The following TRAK2 variants were observed in gnomAD, a reference collection of about 807,000 sequenced individuals.
TRAK2 encodes trafficking kinesin-binding protein 2.
A neutral mutation model predicts 104.6 loss-of-function variants in TRAK2; 81 were observed. The observed-to-expected ratio is 0.77, with a 90% confidence interval of 0.65 to 0.93. TRAK2 has a LOEUF of 0.93. Ranked by LOEUF, TRAK2 falls within the 40% of genes least tolerant of loss-of-function variation. TRAK2 has a pLI of 0.00. For synonymous variants in TRAK2, 406 were observed against 394.4 expected, an observed-to-expected ratio of 1.03 and a Z score of -0.35; for missense variants, 1,002 against 1,089.0, an observed-to-expected ratio of 0.92 and a Z score of 1.12.
Position 201,380,989 on chromosome 2 carries a change from G to A in TRAK2, c.2299C>T (p.Leu767Phe). ...SPISENPLQP[L>F]PKSLAIPSTP... ...GAAGGGATAGCCAGGGATTTAGGGA[G>A]AGGCTGGAGGGGGTTCTCTGAAATT... The change falls in exon 16 of 16, where the codon CTC (leucine) becomes TTC (phenylalanine). Residue 767 changes from leucine to phenylalanine, a missense_variant. Leu to Phe is a conservative substitution (Grantham distance 22). Coordinates refer to ENST00000332624, the MANE Select transcript of TRAK2 (RefSeq NM_015049.3). 2 of 1,614,166 alleles carry A rather than the reference G, an allele frequency of 1.2e-6. No individual in the cohort carries two copies. Among genetic ancestry groups the A allele is most frequent in the East Asian group, 2.2e-5 (1 of 44,880 alleles).
intron 2 of TRAK2, chr2:201,413,043 G>T: frequency 1.3e-6 from 1 of 788,532 alleles, no homozygotes; most frequent in Non-Finnish European, 2.3e-6. Flanking sequence ...GTTAAGTGTT[G>T]GACTCCTCAT....
Position 201,389,396 on chromosome 2 carries a change from C to T in TRAK2, c.1301G>A (p.Ser434Asn), listed in dbSNP as rs1455656771. The T allele has an allele frequency of 1.9e-6, 3 of 1,614,154 alleles. No individual in the cohort carries two copies. In the Admixed American group the frequency reaches 5.0e-5, roughly 27 times the overall value. ...AAAAGGTTTTGCTGTCATGATGACA[C>T]TTGAACGGTTGGAGCCTGGAATGGG... The part of the protein sequence containing the change: ...LLPIPGSNRS[S>N]VIMTAKPFES... The change falls in exon 12 of 16, where the codon AGT (serine) becomes AAT (asparagine). Residue 434 changes from serine to asparagine, a missense_variant. Physicochemically the swap from Ser to Asn is conservative, Grantham distance 46. Coordinates refer to ENST00000332624, the MANE Select transcript of TRAK2 (RefSeq NM_015049.3).
chr2:201,419,997 G>A (rs944245779), intron 2 of TRAK2, among the ~76,000 whole-genome samples: 2 of 152,182 alleles, frequency 1.3e-5, no homozygotes, highest in Non-Finnish European at 2.9e-5. Flanking sequence ...ACTGCTCAGA[G>A]TTTTTTGATT....
In TRAK2 at chr2:201,394,837, C is replaced by T. The variant is rs1951486033; in HGVS notation, c.936G>A (p.Leu312=). The T allele has an allele frequency of 6.2e-7, 1 of 1,613,896 alleles. No homozygotes were observed. The highest frequency in any genetic ancestry group is 8.5e-7 in the Non-Finnish European group (1 of 1,179,878). Residue 312 remains leucine, a synonymous_variant, in exon 9 of 16, where the codon CTG becomes CTA. Transcript: ENST00000332624. ...VIEKEELKLH[L]QASKDAQRQL... is the part of the protein sequence containing the mutation. ...GCCGTTGGGCATCTTTGGAAGCTTGCAGGTGAAGTTTTAGTTCTTCCTTCT... is the reference window on the plus strand; with the variant it reads ...GCCGTTGGGCATCTTTGGAAGCTTGTAGGTGAAGTTTTAGTTCTTCCTTCT...
At chr2:201,446,435 C>T (rs983747908) in intron 1 of TRAK2, among the ~76,000 whole-genome samples, 4 of 152,238 alleles carry the variant, frequency 2.6e-5, no homozygotes, top group Non-Finnish European at 5.9e-5. Flanking sequence ...TGCCTCCGAA[C>T]ACTTTCTGCT....
intron 14 of TRAK2, among the ~76,000 whole-genome samples, chr2:201,384,876 C>T (rs1951374634): frequency 6.6e-6 from 1 of 152,152 alleles, no homozygotes; most frequent in African/African-American, 2.4e-5. Context: ...ATGTATTAAG[C>T]ACTCTTGCTG....
intron 1 of TRAK2, among the ~76,000 whole-genome samples, chr2:201,429,910 GA>G (rs2125658419): frequency 6.6e-6 from 1 of 152,342 alleles, no homozygotes; most frequent in South Asian, 2.1e-4. Context: ...CATTCCTTTG[GA>G]AGAGAAGATT....
At chr2:201,385,496 T>A (rs1951380764) in intron 14 of TRAK2, among the ~76,000 whole-genome samples, 1 of 152,172 alleles carries the variant, frequency 6.6e-6, no homozygotes, top group South Asian at 2.1e-4. Flanking sequence ...ATTTTAATGT[T>A]AACAAAGTAA....
Position 201,386,471 on chromosome 2 carries a change from C to A in TRAK2, c.1710G>T (p.Leu570=). ...GTTGAGCAAGCTGCTGCCAGTGATA[C>A]AGAGTTTGTGATCCTGAATATGCAA... The part of the protein sequence containing the change: ...IVKPLEGSQT[L]YHWQQLAQPN... Residue 570 remains leucine (L), a synonymous_variant, in exon 14 of 16, where the codon CTG becomes CTT. Coordinates refer to ENST00000332624, the MANE Select transcript of TRAK2 (RefSeq NM_015049.3). The A allele has an allele frequency of 7.4e-6, 12 of 1,614,084 alleles. No homozygotes were observed. The highest frequency in any genetic ancestry group is 1.0e-5 in the Non-Finnish European group (12 of 1,179,976).
At chr2:201,400,443 A>G (rs565235115) in intron 4 of TRAK2, among the ~76,000 whole-genome samples, 2 of 152,216 alleles carry the variant, frequency 1.3e-5, no homozygotes, top group South Asian at 2.1e-4. Flanking sequence ...TAAATGGCAT[A>G]CATAGAAATC....
intron 1 of TRAK2, among the ~76,000 whole-genome samples, chr2:201,440,760 G>C (rs1203315449): frequency 6.6e-6 from 1 of 152,178 alleles, no homozygotes; most frequent in Non-Finnish European, 1.5e-5. Flanking sequence ...TGCTAAGCTT[G>C]TGGGAGTCAT....
chr2:201,423,658 G>GTAAT (rs929272220), intron 1 of TRAK2: 1 of 152,110 alleles, frequency 6.6e-6, no homozygotes, highest in African/African-American at 2.4e-5. Context: ...GCACAACACT[G>GTAAT]TAAATACACT....
At chr2:201,398,452 A>T in intron 5 of TRAK2, 98 bp from the exon 6 acceptor site, 1 of 1,158,440 alleles carries the variant, frequency 8.6e-7, no homozygotes, top group Non-Finnish European at 1.2e-6. Context: ...TCATCACAAA[A>T]GAAAATCACA....
At chr2:201,381,274 C>A in intron 15 of TRAK2, 56 bp from the exon 16 acceptor site, 1 of 1,474,026 alleles carries the variant, frequency 6.8e-7, no homozygotes, top group Non-Finnish European at 9.1e-7. Context: ...AAGCAAGCTC[C>A]AAGCTGGCAT....
chr2:201,381,212 C>T lies in TRAK2; in HGVS notation c.2076G>A (p.Gly692=). The T allele has an allele frequency of 2.6e-6, 4 of 1,546,628 alleles. No homozygotes were observed. The South Asian group carries it at 3.6e-5, about 14-fold the overall frequency. Residue 692 remains glycine, a synonymous_variant, in exon 16 of 16, where the codon GGG becomes GGA. Coordinates refer to ENST00000332624, the MANE Select transcript of TRAK2 (RefSeq NM_015049.3). ...SDITQVTPSS[G]FPSLSCGSSG... is the part of the protein sequence containing the mutation. ...TACTTCCACAGGATAATGAAGGGAA[C>T]CCAGAGCTTAAAAAAAAAAAAAAAA...
At chr2:201,431,929 A>T (rs929202026) in intron 1 of TRAK2, among the ~76,000 whole-genome samples, 3 of 152,246 alleles carry the variant, frequency 2.0e-5, no homozygotes, top group African/African-American at 7.2e-5. Context: ...TGACAGGATA[A>T]TAGTAGCAGC....
intron 1 of TRAK2, among the ~76,000 whole-genome samples, chr2:201,424,109 A>C (rs1219666410): frequency 6.6e-6 from 1 of 152,216 alleles, no homozygotes; most frequent in Non-Finnish European, 1.5e-5. Flanking sequence ...CTATAAAGGA[A>C]ATAGAATTAT....
At chr2:201,411,122 G>A in intron 2 of TRAK2, 2 of 890,338 alleles carry the variant, frequency 2.2e-6, no homozygotes, top group Non-Finnish European at 3.7e-6. Flanking sequence ...AAGGTTTAGG[G>A]GTACTAACAG....
intron 1 of TRAK2, among the ~76,000 whole-genome samples, chr2:201,434,151 G>A (rs568794501): frequency 2.0e-5 from 3 of 152,186 alleles, no homozygotes; most frequent in Non-Finnish European, 2.9e-5. Flanking sequence ...TAGAGACGGG[G>A]TTTCACCGTG....
Sources: allele counts gnomAD v4.1 joint callset (sites outside exome capture counted in the v4.1 genomes callset), GRCh38; gene constraint gnomAD v4.1.1; transcripts MANE v1.5; gene names NCBI Gene and HGNC (gene_info 2026-07-23, HGNC 2026-07-21).